The following C7orf25 variants were observed in gnomAD, a reference collection of about 807,000 sequenced individuals.
The protein encoded by C7orf25 is chromosome 7 open reading frame 25, also known as UPF0415 protein C7orf25.
Under a neutral mutation model 25.5 loss-of-function variants are expected in C7orf25, and 14 were observed. The ratio of observed to expected loss-of-function variants is 0.55; its 90% CI spans 0.36 to 0.86. The LOEUF (loss-of-function observed/expected upper bound fraction) is 0.86, where lower values mean the gene tolerates loss of function less well. Ranked by LOEUF, C7orf25 falls within the 40% of genes least tolerant of loss-of-function variation. C7orf25 has a pLI of 0.01. For synonymous variants in C7orf25, 184 were observed against 179.9 expected, an observed-to-expected ratio of 1.02 and a Z score of -0.18; for missense variants, 405 against 493.9, an observed-to-expected ratio of 0.82 and a Z score of 1.71.
intron 1 of C7orf25, chr7:42,911,620 C>T (rs958753185): frequency 3.7e-6 from 4 of 1,069,572 alleles, no homozygotes; most frequent in Non-Finnish European, 4.5e-6. Flanking sequence ...CTGCAACCCG[C>T]GGCGGCCGTG....
Position 42,910,429 on chromosome 7 carries a change from C to G in C7orf25, c.472G>C (p.Val158Leu). ...ATGATGTGAGGGTTGCTATACTGCA[C>G]TGGCTGCTGGTGACTGGCCTGGAGG... ...DFLQASHQQPVQYSNPHIIFA... is the reference protein window; with the variant it reads ...DFLQASHQQPLQYSNPHIIFA... Residue 158 changes from valine (V) to leucine (L), a missense_variant, in exon 2 of 2, where the codon GTG becomes CTG. Coordinates refer to ENST00000350427, the MANE Select transcript of C7orf25 (RefSeq NM_001099858.2). 1.2e-6 allele frequency: 2 copies of G among 1,614,256 alleles called. No homozygotes were observed. Among genetic ancestry groups the G allele is most frequent in the Non-Finnish European group, 1.7e-6 (2 of 1,180,050 alleles).
rs768393016 is a variant in C7orf25 at position 42,911,906 on chromosome 7, G to A, written c.-22+9C>T. 1.7e-5 allele frequency: 25 copies of A among 1,462,112 alleles called. No homozygotes were observed. In the South Asian group the frequency reaches 2.5e-4, roughly 15 times the overall value. 90.6% of individuals were successfully genotyped at this position (1,462,112 alleles called of 1,614,324 possible). ...CCCAGCCTCCCCGCCTCGCTCCCCG[G>A]CTCCTCACCGGCAGCGCCAGAACCG... On this transcript the variant is annotated intron_variant, in intron 1 of 1. Coordinates refer to ENST00000350427, the MANE Select transcript of C7orf25 (RefSeq NM_001099858.2).
rs1785870644 is a variant in C7orf25 at position 42,910,704 on chromosome 7, C to T, written c.197G>A (p.Ser66Asn). The T allele has an allele frequency of 6.2e-7, 1 of 1,614,128 alleles. No individual in the cohort carries two copies. Among genetic ancestry groups the T allele is most frequent in the Non-Finnish European group, 8.5e-7 (1 of 1,180,030 alleles). Residue 66 changes from serine to asparagine, a missense_variant, in exon 2 of 2, where the codon AGC (serine) becomes AAC (asparagine). Physicochemically the swap from Ser to Asn is conservative, Grantham distance 46. Coordinates refer to ENST00000350427, the MANE Select transcript of C7orf25 (RefSeq NM_001099858.2). ...GGCTCTCAGGTGTGTTAGGTTAGTG[C>T]TCTGTAAATGAGACTCTTTAATAGC... The part of the protein sequence containing the change: ...KVAIKESHLQ[S>N]TNLTHLRAIV...
intron 1 of C7orf25, chr7:42,911,597 C>A (rs1785899944): frequency 1.9e-6 from 2 of 1,039,776 alleles, no homozygotes; most frequent in Middle Eastern, 4.5e-4. Context: ...GAAGATGAAA[C>A]TAAACTCCAA....
intron 1 of C7orf25, chr7:42,911,455 T>G (rs1169523159): frequency 1.0e-6 from 1 of 1,004,258 alleles, no homozygotes; most frequent in Non-Finnish European, 1.2e-6. Context: ...CCCCCGAGGC[T>G]TGGGGTACTT....
At chr7:42,911,833 G>C (rs1785911983) in intron 1 of C7orf25, 82 bp downstream of exon 1, 6 of 1,299,256 alleles carry the variant, frequency 4.6e-6, no homozygotes, top group African/African-American at 1.6e-5. Flanking sequence ...CCTTCCCGCC[G>C]GGCCGGCCCT....
chr7:42,909,941 T>C lies in C7orf25; in HGVS notation c.960A>G (p.Gly320=). 1 of 1,614,122 alleles carries C rather than the reference T, an allele frequency of 6.2e-7. No individual in the cohort carries two copies. Among genetic ancestry groups the C allele is most frequent in the Non-Finnish European group, 8.5e-7 (1 of 1,180,026 alleles). ...DFQSILDTLG[G]PGERERATVL... Reference sequence around the variant, plus strand: ...CAGTGGCCCTCTCTCTCTCCCCAGGTCCTCCTAAGGTATCTAAAATAGACT... The same window carrying C: ...CAGTGGCCCTCTCTCTCTCCCCAGGCCCTCCTAAGGTATCTAAAATAGACT... The change falls in exon 2 of 2, where the codon GGA becomes GGG. Residue 320 remains glycine, a synonymous_variant. Transcript: ENST00000350427.
intron 1 of C7orf25, chr7:42,911,713 T>TGCCCG (rs1288765229): frequency 1.7e-6 from 2 of 1,183,056 alleles, no homozygotes; most frequent in Admixed American, 4.5e-5. Context: ...CCCTCGGCCC[T>TGCCCG]GCCCGGCCAC....
Sources: allele counts gnomAD v4.1 joint callset, GRCh38; gene constraint gnomAD v4.1.1; transcripts MANE v1.5; gene names NCBI Gene and HGNC (gene_info 2026-07-23, HGNC 2026-07-21).